Variants in ITGA1 observed in about 807,000 individuals in gnomAD.
The protein encoded by ITGA1 is integrin subunit alpha 1.
A neutral mutation model predicts 145.9 loss-of-function variants in ITGA1; 85 were observed. The ratio of observed to expected loss-of-function variants is 0.58; its 90% CI spans 0.49 to 0.70. The LOEUF (loss-of-function observed/expected upper bound fraction) is 0.70, where lower values mean the gene tolerates loss of function less well. Among genes scored for constraint, ITGA1 ranks in the 30% least tolerant of loss-of-function variants. The pLI is 0.00. For missense variants in ITGA1, 1,351 were observed against 1,418.7 expected (o/e 0.95, Z 0.77); for synonymous variants, 520 against 495.3 (o/e 1.05, Z -0.66).
chr5:52,830,773 A>G (rs1454521199), intron 1 of ITGA1, among the ~76,000 whole-genome samples: 4 of 152,120 alleles, frequency 2.6e-5, no homozygotes, highest in Non-Finnish European at 4.4e-5. Flanking sequence ...CAGCAGAGGC[A>G]CTCACCCTAA....
intron 1 of ITGA1, among the ~76,000 whole-genome samples, chr5:52,812,701 A>AGTT (rs1370816421): frequency 6.7e-6 from 1 of 149,382 alleles, no homozygotes; most frequent in Non-Finnish European, 1.5e-5. Flanking sequence ...GCTCTCATAG[A>AGTT]GTTGCAAGGA....
intron 1 of ITGA1, chr5:52,801,144 A>G: frequency 6.4e-7 from 1 of 1,570,320 alleles, no homozygotes; most frequent in Non-Finnish European, 8.6e-7. Flanking sequence ...ACCCAGGGAT[A>G]ATTAAGAATG....
intron 23 of ITGA1, among the ~76,000 whole-genome samples, chr5:52,935,496 T>C (rs1237154325): frequency 1.3e-5 from 2 of 152,156 alleles, no homozygotes; most frequent in Non-Finnish European, 2.9e-5. Context: ...TAAGAAACCA[T>C]AATGCTGCTA....
chr5:52,828,478 A>G (rs1362131529), intron 1 of ITGA1, among the ~76,000 whole-genome samples: 1 of 152,012 alleles, frequency 6.6e-6, no homozygotes, highest in Admixed American at 6.6e-5. Flanking sequence ...CTCTATTAAT[A>G]TTTACTCATT....
At chr5:52,826,846 A>G (rs1466768213) in intron 1 of ITGA1, among the ~76,000 whole-genome samples, 1 of 152,230 alleles carries the variant, frequency 6.6e-6, no homozygotes, top group East Asian at 1.9e-4. Context: ...TTGGTGATAT[A>G]CCCAGTCACC....
At position 52,887,868 on chromosome 5, in the gene ITGA1, T is replaced by C. The variant is rs182919325; in HGVS notation, c.827T>C (p.Met276Thr). 8.7e-6 allele frequency: 14 copies of C among 1,614,122 alleles called. No homozygotes were observed. The East Asian group carries it at 2.9e-4, about 33-fold the overall frequency. ...GCCCGAAGAGGAGTTAAAAAAGTCA[T>C]GGTTATTGTGACAGATGGAGAGTCT... is the stretch of plus-strand genomic sequence containing the variant. ...RGARRGVKKV[M>T]VIVTDGESHD... The change falls in exon 8 of 29, where the codon ATG becomes ACG. Residue 276 changes from methionine to threonine, a missense_variant. Met to Thr is a moderately conservative substitution (Grantham distance 81). Coordinates refer to ENST00000282588, the MANE Select transcript of ITGA1 (RefSeq NM_181501.2).
chr5:52,937,198 G>A (rs968006286), intron 23 of ITGA1, among the ~76,000 whole-genome samples: 3 of 152,020 alleles, frequency 2.0e-5, no homozygotes, highest in African/African-American at 7.2e-5. Flanking sequence ...TGATACATAC[G>A]GCTACTGACC....
chr5:52,928,634 C>T (rs1202412977), intron 20 of ITGA1, among the ~76,000 whole-genome samples: 1 of 152,160 alleles, frequency 6.6e-6, no homozygotes, highest in Non-Finnish European at 1.5e-5. Flanking sequence ...CACTAACCTG[C>T]TTTCTTTTTC....
chr5:52,794,415 T>G (rs1748299372), intron 1 of ITGA1, among the ~76,000 whole-genome samples: 1 of 151,652 alleles, frequency 6.6e-6, no homozygotes, highest in South Asian at 2.1e-4. Context: ...TGGCCAATCC[T>G]TAAAAATATC....
rs1749678948 is a variant in ITGA1 at position 52,865,832 on chromosome 5, G to A, written c.624+15G>A. On this transcript the variant is annotated intron_variant, in intron 6 of 28. Coordinates refer to ENST00000282588, the MANE Select transcript of ITGA1 (RefSeq NM_181501.2). ...AACAGACACAGGTATGTGACTTTGT[G>A]TTTTGATTTCTGTTGTTCTAAAGAT... The A allele has an allele frequency of 6.4e-7, 1 of 1,553,844 alleles. No individual in the cohort carries two copies. Among genetic ancestry groups the A allele is most frequent in the South Asian group, 1.2e-5 (1 of 81,366 alleles).
In ITGA1 at chr5:52,939,845, C is replaced by G. The variant is rs368104970; in HGVS notation, c.3186C>G (p.Cys1062Trp). The change falls in exon 26 of 29, where the codon TGC becomes TGG. Residue 1062 changes from cysteine to tryptophan, a missense_variant. Cys to Trp is a radical substitution (Grantham distance 215, BLOSUM62 -2). Coordinates refer to ENST00000282588, the MANE Select transcript of ITGA1 (RefSeq NM_181501.2). ...ATCTCTGGACATTTAAACAGGACTG[C>G]AATACATGTAAATTTGCTACCATCA... is the stretch of plus-strand genomic sequence containing the variant. ...DHLKRGTILDCNTCKFATITC... is the reference protein window; with the variant it reads ...DHLKRGTILDWNTCKFATITC... The G allele has an allele frequency of 1.5e-4, 245 of 1,595,370 alleles. No individual in the cohort carries two copies. Among genetic ancestry groups the G allele is most frequent in the Non-Finnish European group, 2.0e-4 (227 of 1,163,112 alleles).
chr5:52,886,519 A>T (rs1045378379), intron 7 of ITGA1, among the ~76,000 whole-genome samples: 32 of 152,248 alleles, frequency 2.1e-4, no homozygotes, highest in Non-Finnish European at 1.9e-4. Context: ...TGGACCATTC[A>T]GTACAATGAT....
chr5:52,863,864 C>A (rs1749643835), intron 3 of ITGA1: 1 of 152,190 alleles, frequency 6.6e-6, no homozygotes, highest in Non-Finnish European at 1.5e-5. Flanking sequence ...AATCGCCCAG[C>A]TCTAGGTGCT....
chr5:52,945,119 T>TGCTTAAGGGAC, intron 27 of ITGA1, 84 bp downstream of exon 27: 1 of 1,012,894 alleles, frequency 9.9e-7, no homozygotes, highest in Non-Finnish European at 1.5e-6. Context: ...TGATAGTCCC[T>TGCTTAAGGGAC]TAAGCAGTGA....
At chr5:52,842,506 C>T (rs912129142) in intron 1 of ITGA1, among the ~76,000 whole-genome samples, 6 of 152,130 alleles carry the variant, frequency 3.9e-5, no homozygotes, top group Non-Finnish European at 8.8e-5. Flanking sequence ...TATACTGATT[C>T]TTTGGATTCT....
rs1440961842 is a variant in ITGA1, at chr5:52,952,599, A to C, written c.*148A>C. 2.7e-6 allele frequency: 1 copy of C among 368,320 alleles called. No homozygotes were observed. Among genetic ancestry groups the C allele is most frequent in the East Asian group, 4.1e-5 (1 of 24,204 alleles). 22.8% of individuals were successfully genotyped at this position (368,320 alleles called of 1,614,324 possible). A position where few individuals can be genotyped will look rare whatever the true frequency, so the allele number is the denominator to read the frequency against. On this transcript the variant is annotated 3_prime_UTR_variant, in exon 29 of 29. Transcript: ENST00000282588. Reference sequence around the variant, plus strand: ...TTCATTACTTGGAAAATGACAGGTCATGCATTATCCAAAAACAATACCAAA... The same window carrying C: ...TTCATTACTTGGAAAATGACAGGTCCTGCATTATCCAAAAACAATACCAAA...
At position 52,861,563 on chromosome 5, in the gene ITGA1, T is replaced by C. The variant is rs1379688388; in HGVS notation, c.295+4T>C. ...TGTGTAAAGTTGGATCTACCAGGTA[T>C]GTAAAATTAAAAAAATCTGGTTTTA... On this transcript the variant is annotated splice_donor_region_variant and intron_variant, in intron 3 of 28. Transcript: ENST00000282588. 1.9e-6 allele frequency: 3 copies of C among 1,583,782 alleles called. No homozygotes were observed. Among genetic ancestry groups the C allele is most frequent in the Non-Finnish European group, 2.6e-6 (3 of 1,152,906 alleles).
chr5:52,846,753 A>G (rs1275993274), intron 1 of ITGA1, among the ~76,000 whole-genome samples: 1 of 152,168 alleles, frequency 6.6e-6, no homozygotes, highest in African/African-American at 2.4e-5. Flanking sequence ...TCTTGCAACC[A>G]TATTTGTCCT....
At chr5:52,939,078 T>A (rs2111899284) in intron 24 of ITGA1, among the ~76,000 whole-genome samples, 1 of 152,128 alleles carries the variant, frequency 6.6e-6, no homozygotes, top group South Asian at 2.1e-4. Context: ...AATTTTTGTA[T>A]TTCTAGTAGA....
Sources: gnomAD v4.1 joint callset for allele counts (sites outside exome capture counted in the v4.1 genomes callset) on GRCh38, gnomAD v4.1.1 for gene constraint, MANE v1.5 for transcripts, NCBI Gene and HGNC (gene_info 2026-07-23, HGNC 2026-07-21) for gene names.